Variants in KCNK10 observed in about 807,000 individuals in gnomAD.
KCNK10 encodes the protein potassium two pore domain channel subfamily K member 10.
In KCNK10, 25 loss-of-function variants were observed where a neutral mutation model predicts 47.7. The observed-to-expected ratio is 0.52, with a 90% CI of 0.38 to 0.73. The LOEUF is 0.73. Among genes scored for constraint, KCNK10 ranks in the 30% least tolerant of loss-of-function variants. The pLI is 0.00. For synonymous variants in KCNK10, 303 were observed against 285.6 expected, an observed-to-expected ratio of 1.06 and a Z score of -0.61; for missense variants, 563 against 714.5, an observed-to-expected ratio of 0.79 and a Z score of 2.42.
intron 2 of KCNK10, among the ~76,000 whole-genome samples, chr14:88,250,816 A>G (rs922214184): frequency 3.9e-5 from 6 of 152,154 alleles, no homozygotes; most frequent in African/African-American, 1.4e-4. Flanking sequence ...ACTTGAATAC[A>G]GGAGGCGGAT....
intron 4 of KCNK10, among the ~76,000 whole-genome samples, chr14:88,195,473 CATTGAGG>C (rs1012743275): frequency 2.6e-5 from 4 of 152,156 alleles, no homozygotes; most frequent in Non-Finnish European, 5.9e-5. Context: ...TTCTCTTTGC[CATTGAGG>C]AATGTTCCCT....
In KCNK10 at chr14:88,290,307, G is replaced by A. The variant is rs573107260; in HGVS notation, c.53-26756C>T. ...GCCTTTAGAAGCTGGAAAAGGCAAG[G>A]GAAGGATTCTCCCTAAAGCCCCCAG... On this transcript the variant is annotated intron_variant, in intron 1 of 6. Transcript: ENST00000319231. Among the ~76,000 whole-genome samples, 12 of 152,218 alleles carry A rather than the reference G, an allele frequency of 7.9e-5. No homozygotes were observed. The South Asian group carries it at 2.3e-3, about 29-fold the overall frequency.
At chr14:88,287,682 TGTGTGTGTGTGTGTGTGTGTGTG>T (rs908394605) in intron 1 of KCNK10, among the ~76,000 whole-genome samples, 1 of 7,792 alleles carries the variant, frequency 1.3e-4, no homozygotes, top group African/African-American at 2.1e-4. Flanking sequence ...ATGGTGTGTG[TGTGTGTGTGTGTGTGTGTGTGTG>T]TGTGTGTGTG....
In KCNK10 at chr14:88,265,003, C is replaced by G. The variant is rs558211702; in HGVS notation, c.53-1452G>C. Among the ~76,000 whole-genome samples the G allele has an allele frequency of 5.3e-5, 8 of 152,350 alleles. No individual in the cohort carries two copies. The East Asian group carries it at 1.4e-3, about 26-fold the overall frequency. On this transcript the variant is annotated intron_variant, in intron 1 of 6. Transcript: ENST00000319231. Reference sequence around the variant, plus strand: ...GGCCTTTCCCTACCCCTGTGGCCAGCAGCCTCATCCAGGCCACTGTCACAT... The same window carrying G: ...GGCCTTTCCCTACCCCTGTGGCCAGGAGCCTCATCCAGGCCACTGTCACAT...
At chr14:88,276,453 G>C (rs1283394914) in intron 1 of KCNK10, among the ~76,000 whole-genome samples, 1 of 151,994 alleles carries the variant, frequency 6.6e-6, no homozygotes, top group Non-Finnish European at 1.5e-5. Flanking sequence ...TTTCATTATA[G>C]TAGCCCTAAG....
rs78575436 is a variant in KCNK10 at position 88,252,355 on chromosome 14, A to T, written c.402+10847T>A. Among the ~76,000 whole-genome samples the T allele has an allele frequency of 1.2e-3, 179 of 152,322 alleles. 6 individuals carry two copies. The East Asian group carries it at 0.033, about 28-fold the overall frequency. ...CTTTTATTCACCATTACATCCCAGC[A>T]TCTAGCACAGTAGGCAATCAACAAG... On this transcript the variant is annotated intron_variant, in intron 2 of 6. Coordinates refer to ENST00000319231, the MANE Select transcript of KCNK10 (RefSeq NM_138317.3).
At chr14:88,203,844 A>T (rs1885177676) in intron 4 of KCNK10, among the ~76,000 whole-genome samples, 1 of 152,218 alleles carries the variant, frequency 6.6e-6, no homozygotes, top group African/African-American at 2.4e-5. Flanking sequence ...GGGAAGGCAC[A>T]GGCTGTGGCC....
chr14:88,284,588 G>A (rs1462243487), intron 1 of KCNK10, among the ~76,000 whole-genome samples: 1 of 152,188 alleles, frequency 6.6e-6, no homozygotes, highest in Non-Finnish European at 1.5e-5. Flanking sequence ...CTTGGAGTCT[G>A]ATGTTGGAGG....
chr14:88,269,299 T>C (rs1342132938), intron 1 of KCNK10, among the ~76,000 whole-genome samples: 1 of 152,224 alleles, frequency 6.6e-6, no homozygotes, highest in Non-Finnish European at 1.5e-5. Context: ...CATCCATTCA[T>C]TCGTTCAATC....
rs1181789675 is a variant in KCNK10 at position 88,186,101 on chromosome 14, A to T, written c.1066T>A (p.Phe356Ile). 1 of 1,607,724 alleles carries T rather than the reference A, an allele frequency of 6.2e-7. No homozygotes were observed. Among genetic ancestry groups the T allele is most frequent in the African/African-American group, 1.3e-5 (1 of 74,404 alleles). Residue 356 changes from phenylalanine (F) to isoleucine (I), a missense_variant, in exon 7 of 7, where the codon TTC (phenylalanine) becomes ATC (isoleucine). By Grantham distance (21) the Phe-to-Ile change is conservative. Transcript: ENST00000319231. The surrounding 1 kb of genome is among the most constrained non-coding windows in gnomAD (Gnocchi z 5.5). ...CTGAGCCTTCGCCGTGTCTCCCGGA[A>T]CTCAGCCGTGACATTGGCCTTCCAC... ...AEWKANVTAEFRETRRRLSVE... is the reference protein window; with the variant it reads ...AEWKANVTAEIRETRRRLSVE...
intron 4 of KCNK10, among the ~76,000 whole-genome samples, chr14:88,222,477 C>A (rs576083790): frequency 6.6e-6 from 1 of 152,260 alleles, no homozygotes; most frequent in African/African-American, 2.4e-5. Flanking sequence ...AGACGCATGT[C>A]ATTATAAATT....
rs1205236735 is a variant in KCNK10 at position 88,186,496 on chromosome 14, C to A, written c.1012-341G>T. The stretch of plus-strand genomic sequence containing the variant: ...GGCCTGGCTTCCAGCTCTCTCTTAT[C>A]AATTGCATGGCCTCATTCCCCCAAC... On this transcript the variant is annotated intron_variant, in intron 6 of 6. Coordinates refer to ENST00000319231, the MANE Select transcript of KCNK10 (RefSeq NM_138317.3). This position sits in a 1 kb window ranked among gnomAD's most constrained non-coding sequence, Gnocchi z 5.5. Among the ~76,000 whole-genome samples the A allele has an allele frequency of 6.6e-6, 1 of 152,156 alleles. No homozygotes were observed. The highest frequency in any genetic ancestry group is 1.5e-5 in the Non-Finnish European group (1 of 68,028).
chr14:88,297,871 C>A (rs1888018642), intron 1 of KCNK10, among the ~76,000 whole-genome samples: 1 of 152,186 alleles, frequency 6.6e-6, no homozygotes, highest in Non-Finnish European at 1.5e-5. Flanking sequence ...GTGGGAGATG[C>A]AGACTTAGAC....
chr14:88,291,839 T>C (rs112363919), intron 1 of KCNK10, among the ~76,000 whole-genome samples: 3 of 152,250 alleles, frequency 2.0e-5, no homozygotes, highest in African/African-American at 7.2e-5. Context: ...AGCACAAAGA[T>C]GCCTAATGGT....
At chr14:88,197,814 G>A (rs921766163) in intron 4 of KCNK10, among the ~76,000 whole-genome samples, 2 of 150,002 alleles carry the variant, frequency 1.3e-5, no homozygotes, top group Non-Finnish European at 3.0e-5. Flanking sequence ...TCGAGGGAAG[G>A]AGGGAGGGAA....
chr14:88,202,421 T>C (rs1885130606), intron 4 of KCNK10, among the ~76,000 whole-genome samples: 1 of 152,194 alleles, frequency 6.6e-6, no homozygotes, highest in Non-Finnish European at 1.5e-5. Flanking sequence ...TACCACCTAC[T>C]GACTTTCCCA....
Position 88,251,150 on chromosome 14 carries a change from TTGAACCCA to T in KCNK10, c.403-10338_403-10331del, listed in dbSNP as rs1159630379. ...AGGGAGGCCGAGGCAGAAGAATCGC[TTGAACCCA>T]GGAGGTGGAGGTTGCAGTGAGCTGA... is the stretch of plus-strand genomic sequence containing the variant. On this transcript the variant is annotated intron_variant, in intron 2 of 6. Transcript: ENST00000319231. Among the ~76,000 whole-genome samples, 3 of 140,596 alleles carry T rather than the reference TTGAACCCA, an allele frequency of 2.1e-5. No individual in the cohort carries two copies. In the Admixed American group the frequency reaches 2.2e-4, roughly 10 times the overall value. The allele number at this position is 140,596 out of a possible 152,430, so 92.2% of individuals were successfully genotyped here.
chr14:88,277,635 T>C (rs1002447907), intron 1 of KCNK10, among the ~76,000 whole-genome samples: 2 of 152,170 alleles, frequency 1.3e-5, no homozygotes, highest in African/African-American at 4.8e-5. Flanking sequence ...ACAGACTTAC[T>C]TAAAAACTGG....
intron 1 of KCNK10, chr14:88,271,001 CA>C (rs1209471351): frequency 1.5e-5 from 9 of 603,474 alleles, no homozygotes; most frequent in Non-Finnish European, 2.4e-5. Context: ...TTGCCCCAGC[CA>C]AACCCAGCAG....
Sources: gnomAD v4.1 joint callset for allele counts (sites outside exome capture counted in the v4.1 genomes callset) on GRCh38, gnomAD v4.1.1 for gene constraint, Gnocchi (gnomAD v3.1) non-coding constraint, MANE v1.5 for transcripts, NCBI Gene and HGNC (gene_info 2026-07-23, HGNC 2026-07-21) for gene names.